The following FBXL17 variants were observed in gnomAD, a reference collection of about 807,000 sequenced individuals.
FBXL17 encodes F-box/LRR-repeat protein 17.
Under a neutral mutation model 66.2 loss-of-function variants are expected in FBXL17, and 22 were observed. The ratio of observed to expected loss-of-function variants is 0.33; its 90% CI spans 0.24 to 0.47. FBXL17 has a LOEUF of 0.47. Among genes scored for constraint, FBXL17 ranks in the 20% least tolerant of loss-of-function variants. The pLI, the probability that FBXL17 is intolerant of heterozygous loss-of-function variation, is 1.00. For missense variants in FBXL17, 878 were observed against 948.2 expected (o/e 0.93, Z 0.97); for synonymous variants, 474 against 400.5 (o/e 1.18, Z -2.19).
intron 8 of FBXL17, among the ~76,000 whole-genome samples, chr5:107,865,716 T>C (rs775224270): frequency 1.8e-4 from 28 of 152,202 alleles, no homozygotes; most frequent in Non-Finnish European, 2.1e-4. Context: ...AAATATTTCA[T>C]TTTAGAGCTC....
chr5:108,346,600 T>C (rs1302762362), intron 4 of FBXL17, among the ~76,000 whole-genome samples: 1 of 152,122 alleles, frequency 6.6e-6, no homozygotes, highest in East Asian at 1.9e-4. Context: ...CATCCTTTAA[T>C]TTACCTTGGA....
In FBXL17 at chr5:107,946,529, AC is replaced by A. The variant is rs564459467; in HGVS notation, c.1823-65351del. Reference sequence around the variant, plus strand: ...AAACTGTTGACCAGGCTGGCCTCCAACTCCTGGCCTCAAGTGATCCTCCGGC... The same window carrying A: ...AAACTGTTGACCAGGCTGGCCTCCAATCCTGGCCTCAAGTGATCCTCCGGC... On this transcript the variant is annotated intron_variant, in intron 7 of 8. Coordinates refer to ENST00000542267, the MANE Select transcript of FBXL17 (RefSeq NM_001163315.3). Among the ~76,000 whole-genome samples the A allele has an allele frequency of 2.3e-4, 34 of 150,100 alleles. No homozygotes were observed. The East Asian group carries it at 6.5e-3, about 29-fold the overall frequency.
chr5:108,139,352 T>A (rs1399628421), intron 6 of FBXL17, among the ~76,000 whole-genome samples: 3 of 152,262 alleles, frequency 2.0e-5, no homozygotes, highest in Non-Finnish European at 4.4e-5. Flanking sequence ...TATACAAATC[T>A]GAATTTATGA....
intron 6 of FBXL17, among the ~76,000 whole-genome samples, chr5:108,068,600 C>T (rs755355479): frequency 2.0e-5 from 3 of 151,972 alleles, no homozygotes; most frequent in Admixed American, 6.6e-5. Context: ...GGGCTACAGG[C>T]GCGTGCCACC....
chr5:108,015,311 A>G (rs1754339674), intron 7 of FBXL17, among the ~76,000 whole-genome samples: 1 of 152,206 alleles, frequency 6.6e-6, no homozygotes, highest in Non-Finnish European at 1.5e-5. Flanking sequence ...TAGAATGGAA[A>G]AAAAAGTGTG....
At chr5:108,278,557 G>C (rs1325058237) in intron 4 of FBXL17, among the ~76,000 whole-genome samples, 1 of 152,204 alleles carries the variant, frequency 6.6e-6, no homozygotes, top group Non-Finnish European at 1.5e-5. Flanking sequence ...GCTTGATCTT[G>C]AGCTTGGCAG....
At chr5:108,329,529 G>A (rs1271853901) in intron 4 of FBXL17, among the ~76,000 whole-genome samples, 5 of 152,012 alleles carry the variant, frequency 3.3e-5, no homozygotes, top group Non-Finnish European at 2.9e-5. Context: ...ATAGAATAAT[G>A]CCAAAACTCA....
intron 7 of FBXL17, among the ~76,000 whole-genome samples, chr5:107,942,712 C>G (rs1751149813): frequency 6.6e-6 from 1 of 151,556 alleles, no homozygotes; most frequent in African/African-American, 2.4e-5. Flanking sequence ...TCCCTAGTAT[C>G]TCTTATTTTA....
At chr5:108,009,306 T>TATATATATATACAC (rs1561365393) in intron 7 of FBXL17, among the ~76,000 whole-genome samples, 1 of 17,446 alleles carries the variant, frequency 5.7e-5, no homozygotes, top group Admixed American at 5.0e-4. Flanking sequence ...TATATACATA[T>TATATATATATACAC]ATACATACAC....
intron 4 of FBXL17, among the ~76,000 whole-genome samples, chr5:108,336,216 TA>T (rs1298549778): frequency 6.6e-6 from 1 of 152,190 alleles, no homozygotes; most frequent in African/African-American, 2.4e-5. Flanking sequence ...CTTGCCAGTG[TA>T]ACCTCTGCGT....
At chr5:108,171,511 C>G (rs115853802) in intron 6 of FBXL17, among the ~76,000 whole-genome samples, 1,988 of 152,276 alleles carry the variant, frequency 0.013, 44 homozygotes, top group African/African-American at 0.043. Flanking sequence ...AATTAAATAA[C>G]TTAATGAATG....
At chr5:108,273,334 T>TATA (rs1318233735) in intron 4 of FBXL17, among the ~76,000 whole-genome samples, 1 of 149,510 alleles carries the variant, frequency 6.7e-6, no homozygotes, top group South Asian at 2.1e-4. Context: ...AAACTTAAAG[T>TATA]ATAATAATAA....
intron 4 of FBXL17, among the ~76,000 whole-genome samples, chr5:108,329,567 T>C (rs1760020224): frequency 6.6e-6 from 1 of 152,148 alleles, no homozygotes; most frequent in Non-Finnish European, 1.5e-5. Context: ...CTTCAAGTAC[T>C]GGTACCTATG....
chr5:108,348,543 A>G lies in FBXL17; in HGVS notation c.1375-13T>C, dbSNP rs890706269. On this transcript the variant is annotated splice_polypyrimidine_tract_variant and intron_variant, in intron 3 of 8. Transcript: ENST00000542267. ...ATTTTGAGCCCAGCTGTAAACAAAC[A>G]GATTTAGCTGAATGCTCAAAAAATA... The G allele has an allele frequency of 1.9e-6, 3 of 1,603,852 alleles. No homozygotes were observed. In the African/African-American group the frequency reaches 4.0e-5, roughly 21 times the overall value.
At chr5:107,899,445 C>A (rs1328098865) in intron 7 of FBXL17, among the ~76,000 whole-genome samples, 3 of 151,982 alleles carry the variant, frequency 2.0e-5, no homozygotes, top group African/African-American at 4.8e-5. Context: ...AGTTGGAGAC[C>A]AGCCTGCGCA....
At chr5:108,068,395 G>C (rs994704631) in intron 6 of FBXL17, among the ~76,000 whole-genome samples, 14 of 141,390 alleles carry the variant, frequency 9.9e-5, no homozygotes, top group African/African-American at 3.7e-4. Context: ...CCCCCAAAAA[G>C]TACTCTTTAT....
In FBXL17 at chr5:108,364,726, G is replaced by C. The variant is rs766608138; in HGVS notation, c.1374+12C>G. On this transcript the variant is annotated intron_variant, in intron 3 of 8. Coordinates refer to ENST00000542267, the MANE Select transcript of FBXL17 (RefSeq NM_001163315.3). ...ATTCAAGTAAAATCACTTTATAAAT[G>C]CTAAAATTTACCTGCTTGAGTCCTT... 6.3e-7 allele frequency: 1 copy of C among 1,582,730 alleles called. No individual in the cohort carries two copies. The highest frequency in any genetic ancestry group is 1.4e-5 in the African/African-American group (1 of 73,710).
intron 4 of FBXL17, among the ~76,000 whole-genome samples, chr5:108,342,836 A>G (rs1746979910): frequency 1.3e-5 from 2 of 152,204 alleles, no homozygotes; most frequent in African/African-American, 4.8e-5. Context: ...AACATTTTCT[A>G]TTACCAGCAA....
At chr5:108,167,553 C>G (rs960181131) in intron 6 of FBXL17, among the ~76,000 whole-genome samples, 1 of 152,184 alleles carries the variant, frequency 6.6e-6, no homozygotes, top group Non-Finnish European at 1.5e-5. Flanking sequence ...GCTCTATTCA[C>G]AGGTATTTGA....
Sources: gnomAD v4.1 joint callset for allele counts (sites outside exome capture counted in the v4.1 genomes callset) on GRCh38, gnomAD v4.1.1 for gene constraint, MANE v1.5 for transcripts, NCBI Gene and HGNC (gene_info 2026-07-23, HGNC 2026-07-21) for gene names.